TBC1D5: variants seen among roughly 807,000 people sequenced by gnomAD.
TBC1D5 encodes TBC1 domain family member 5, also known as TBC1 domain family, member 5.
TBC1D5 carries 75 observed loss-of-function variants against 100.3 expected under a neutral mutation model. The observed-to-expected ratio is 0.75, with a 90% CI of 0.62 to 0.91. TBC1D5 has a LOEUF of 0.91. Among genes scored for constraint, TBC1D5 ranks in the 40% least tolerant of loss-of-function variants. TBC1D5 has a pLI of 0.00. For missense variants in TBC1D5, 910 were observed against 942.4 expected (o/e 0.97, Z 0.45); for synonymous variants, 323 against 325.6 (o/e 0.99, Z 0.09).
chr3:17,198,819 G>T (rs1250530985), intron 18 of TBC1D5, among the ~76,000 whole-genome samples: 1 of 152,142 alleles, frequency 6.6e-6, no homozygotes, highest in African/African-American at 2.4e-5. Context: ...ACTCCAGAAA[G>T]TTTTTAATAA....
At chr3:17,408,684 AAAGAG>A (rs1436289594) in intron 4 of TBC1D5, among the ~76,000 whole-genome samples, 11 of 152,170 alleles carry the variant, frequency 7.2e-5, no homozygotes, top group Admixed American at 2.6e-4. Context: ...CTTATTGATT[AAAGAG>A]AAAAGTTTTT....
At chr3:17,335,388 C>A (rs960861834) in intron 13 of TBC1D5, among the ~76,000 whole-genome samples, 1 of 151,990 alleles carries the variant, frequency 6.6e-6, no homozygotes, top group African/African-American at 2.4e-5. Flanking sequence ...GGAGCTTTTG[C>A]CCTAAATCAT....
At chr3:17,706,354 T>G (rs1484253537) in intron 1 of TBC1D5, 1 of 1,268,600 alleles carries the variant, frequency 7.9e-7, no homozygotes, top group Non-Finnish European at 1.1e-6. Flanking sequence ...TATTTTATAT[T>G]TGAAGGAAAG....
chr3:17,597,886 C>T (rs1330849312), intron 2 of TBC1D5, among the ~76,000 whole-genome samples: 1 of 152,148 alleles, frequency 6.6e-6, no homozygotes, highest in Non-Finnish European at 1.5e-5. Flanking sequence ...TCCCGTATTA[C>T]TCCTGATGCC....
chr3:17,551,514 T>C (rs1023041314), intron 2 of TBC1D5, among the ~76,000 whole-genome samples: 2 of 152,126 alleles, frequency 1.3e-5, no homozygotes, highest in Admixed American at 1.3e-4. Context: ...AACATGAGCA[T>C]TCCTAAGACA....
chr3:17,272,303 C>G (rs1433035086), intron 15 of TBC1D5, among the ~76,000 whole-genome samples: 1 of 152,028 alleles, frequency 6.6e-6, no homozygotes, highest in Non-Finnish European at 1.5e-5. Flanking sequence ...ATACACTGTA[C>G]TATTAAATTA....
chr3:17,199,648 G>A (rs2071197491), intron 18 of TBC1D5, among the ~76,000 whole-genome samples: 1 of 152,166 alleles, frequency 6.6e-6, no homozygotes. Context: ...GGACCATGTG[G>A]TAGTATATAT....
At chr3:17,484,418 C>T (rs932888779) in intron 3 of TBC1D5, among the ~76,000 whole-genome samples, 1 of 149,332 alleles carries the variant, frequency 6.7e-6, no homozygotes, top group Middle Eastern at 3.4e-3. Context: ...CTCAAAGCAT[C>T]CTGAGGTGAC....
intron 1 of TBC1D5, among the ~76,000 whole-genome samples, chr3:17,637,322 G>A (rs952891261): frequency 7.4e-5 from 11 of 149,532 alleles, no homozygotes; most frequent in Admixed American, 1.3e-4. Context: ...GATTACAGGC[G>A]TGAGCCACCA....
intron 3 of TBC1D5, among the ~76,000 whole-genome samples, chr3:17,481,961 G>C (rs547433552): frequency 1.3e-5 from 2 of 152,236 alleles, no homozygotes; most frequent in South Asian, 4.1e-4. Flanking sequence ...GGGTGGTCTC[G>C]AACTCCTGAC....
intron 2 of TBC1D5, among the ~76,000 whole-genome samples, chr3:17,557,872 A>G (rs2096532400): frequency 6.6e-6 from 1 of 152,196 alleles, no homozygotes; most frequent in Admixed American, 6.5e-5. Context: ...GCTACACACC[A>G]GAACAAAACA....
intron 1 of TBC1D5, among the ~76,000 whole-genome samples, chr3:17,704,640 A>G (rs9826251): frequency 0.03 from 1,488 of 49,826 alleles, 294 homozygotes; most frequent in African/African-American, 0.11. Flanking sequence ...GCTGCTGGCC[A>G]GGCGGGGGGC....
chr3:17,209,119 T>A (rs889959313), intron 18 of TBC1D5, among the ~76,000 whole-genome samples: 4 of 152,200 alleles, frequency 2.6e-5, no homozygotes, highest in African/African-American at 9.6e-5. Context: ...ATTTTGTTTT[T>A]TCACCTCTAT....
chr3:17,190,484 G>A (rs2069734052), intron 18 of TBC1D5, among the ~76,000 whole-genome samples: 1 of 152,216 alleles, frequency 6.6e-6, no homozygotes, highest in African/African-American at 2.4e-5. Context: ...TGGCACCTAG[G>A]CAACCAGGCA....
intron 13 of TBC1D5, among the ~76,000 whole-genome samples, chr3:17,341,426 G>A (rs1309458590): frequency 1.3e-5 from 2 of 152,144 alleles, no homozygotes; most frequent in Non-Finnish European, 2.9e-5. Context: ...TCGATCTCCT[G>A]ACCTCATGAT....
chr3:17,533,893 T>C (rs550487256), intron 2 of TBC1D5, among the ~76,000 whole-genome samples: 2 of 151,974 alleles, frequency 1.3e-5, no homozygotes, highest in African/African-American at 4.8e-5. Context: ...ATCATTCAGA[T>C]AGATAGATAG....
chr3:17,371,932 G>A, intron 13 of TBC1D5, 143 bp downstream of exon 13: 2 of 668,770 alleles, frequency 3.0e-6, no homozygotes, highest in Non-Finnish European at 4.4e-6. Flanking sequence ...AGCTACTTGG[G>A]AAGCTGAGAT....
At chr3:17,178,825 T>A (rs77096450) in intron 19 of TBC1D5, among the ~76,000 whole-genome samples, 13 of 151,926 alleles carry the variant, frequency 8.6e-5, no homozygotes, top group African/African-American at 3.1e-4. Flanking sequence ...TTTTTTTTTT[T>A]AATAGAAACT....
chr3:17,500,336 G>GT (rs1434395493), intron 3 of TBC1D5, among the ~76,000 whole-genome samples: 1 of 149,036 alleles, frequency 6.7e-6, no homozygotes, highest in Admixed American at 6.6e-5. Flanking sequence ...TTTACCAGCA[G>GT]TGAGGTTCTC....
Sources: allele counts gnomAD v4.1 joint callset (sites outside exome capture counted in the v4.1 genomes callset), GRCh38; gene constraint gnomAD v4.1.1; transcripts MANE v1.5; gene names NCBI Gene and HGNC (gene_info 2026-07-23, HGNC 2026-07-21).